RGS7: variants seen among roughly 807,000 people sequenced by gnomAD.
RGS7 encodes the protein regulator of G protein signaling 7, also known as regulator of G-protein signaling 7.
Under a neutral mutation model 81.1 loss-of-function variants are expected in RGS7, and 27 were observed. The observed-to-expected ratio is 0.33, with a 90% CI of 0.25 to 0.46. RGS7 has a LOEUF of 0.46. RGS7 is among the 20% of genes least tolerant of loss of function. The probability of loss-of-function intolerance (pLI) is 1.00; values close to 1 mark genes in which losing one functional copy is unlikely to be tolerated. For synonymous variants in RGS7, 208 were observed against 207.7 expected (o/e 1.00, Z -0.01); for missense variants, 396 against 607.4 (o/e 0.65, Z 3.66).
At chr1:241,140,098 A>G (rs1406090313) in intron 2 of RGS7, among the ~76,000 whole-genome samples, 1 of 152,142 alleles carries the variant, frequency 6.6e-6, no homozygotes, top group Non-Finnish European at 1.5e-5. Flanking sequence ...CTGGAGGCTG[A>G]CTTTGTACCA....
chr1:241,265,598 G>A (rs1356513147), intron 2 of RGS7, among the ~76,000 whole-genome samples: 1 of 152,092 alleles, frequency 6.6e-6, no homozygotes, highest in Non-Finnish European at 1.5e-5. Flanking sequence ...GGTCAGACAA[G>A]CAAACTAAAG....
At chr1:241,220,869 C>G in intron 2 of RGS7, among the ~76,000 whole-genome samples, 1 of 150,614 alleles carries the variant, frequency 6.6e-6, no homozygotes, top group Non-Finnish European at 1.5e-5. Flanking sequence ...CCACTGCACT[C>G]CAGCCTGGGT....
intron 6 of RGS7, among the ~76,000 whole-genome samples, chr1:240,908,891 G>T (rs1166967022): frequency 6.6e-6 from 1 of 152,210 alleles, no homozygotes; most frequent in African/African-American, 2.4e-5. Context: ...GCCCAGGGCT[G>T]CAAGTGTTTC....
intron 2 of RGS7, among the ~76,000 whole-genome samples, chr1:241,306,349 AC>A (rs2148527377): frequency 1.3e-5 from 2 of 151,234 alleles, no homozygotes; most frequent in South Asian, 4.2e-4. Context: ...CCTCACATGT[AC>A]ATATACACAC....
intron 4 of RGS7, among the ~76,000 whole-genome samples, chr1:240,981,115 G>A (rs1308809323): frequency 1.3e-5 from 2 of 151,812 alleles, no homozygotes; most frequent in Non-Finnish European, 2.9e-5. Context: ...TTGTTTGTTT[G>A]TTTGTTTGTT....
intron 2 of RGS7, among the ~76,000 whole-genome samples, chr1:241,109,388 C>G (rs1387758835): frequency 1.3e-5 from 2 of 152,220 alleles, no homozygotes; most frequent in South Asian, 4.1e-4. Flanking sequence ...TGATCATATT[C>G]TCTGTTAAAC....
At chr1:240,862,309 T>C (rs1194281030) in intron 9 of RGS7, among the ~76,000 whole-genome samples, 3 of 152,214 alleles carry the variant, frequency 2.0e-5, no homozygotes, top group African/African-American at 7.2e-5. Context: ...TTCTACACTC[T>C]AGGTAAAATG....
intron 4 of RGS7, among the ~76,000 whole-genome samples, chr1:240,943,180 T>C (rs1677890726): frequency 6.6e-6 from 1 of 152,108 alleles, no homozygotes; most frequent in South Asian, 2.1e-4. Context: ...AGGAATGCAA[T>C]AAGAAATTAA....
intron 2 of RGS7, among the ~76,000 whole-genome samples, chr1:241,218,201 G>A (rs1402913873): frequency 3.3e-5 from 5 of 152,056 alleles, no homozygotes; most frequent in African/African-American, 4.8e-5. Context: ...CCTTCCCTTT[G>A]TCCAGATGAG....
intron 9 of RGS7, among the ~76,000 whole-genome samples, chr1:240,848,086 G>C (rs1659425740): frequency 1.3e-5 from 2 of 152,136 alleles, no homozygotes; most frequent in Admixed American, 1.3e-4. Flanking sequence ...TTTCCATAAA[G>C]ATCGGAAGCC....
chr1:240,792,918 A>G (rs889935067), intron 18 of RGS7, among the ~76,000 whole-genome samples: 1 of 152,166 alleles, frequency 6.6e-6, no homozygotes, highest in Non-Finnish European at 1.5e-5. Context: ...GTTGGATATA[A>G]GAATCTAGTA....
chr1:241,040,479 T>TTCTA (rs200796357), intron 3 of RGS7, among the ~76,000 whole-genome samples: 5 of 151,114 alleles, frequency 3.3e-5, no homozygotes, highest in South Asian at 2.1e-4. Context: ...TTACTTTTCT[T>TTCTA]TTTATTTATT....
chr1:241,258,914 C>T (rs1316737951), intron 2 of RGS7, among the ~76,000 whole-genome samples: 1 of 152,124 alleles, frequency 6.6e-6, no homozygotes, highest in African/African-American at 2.4e-5. Flanking sequence ...AAAGTTACAC[C>T]TTTGCTTTTA....
chr1:241,116,649 G>T (rs1455874720), intron 2 of RGS7, among the ~76,000 whole-genome samples: 4 of 152,020 alleles, frequency 2.6e-5, no homozygotes, highest in African/African-American at 9.7e-5. Flanking sequence ...TATACATTCT[G>T]TAAATTTTTT....
chr1:240,862,068 A>G (rs1406502497), intron 9 of RGS7, among the ~76,000 whole-genome samples: 1 of 152,074 alleles, frequency 6.6e-6, no homozygotes, highest in African/African-American at 2.4e-5. Flanking sequence ...TTCTCCCACT[A>G]TATTCTTCAG....
intron 2 of RGS7, among the ~76,000 whole-genome samples, chr1:241,221,992 T>C (rs1053872127): frequency 1.3e-5 from 2 of 152,284 alleles, no homozygotes; most frequent in Admixed American, 1.3e-4. Context: ...ATTGGTTCTG[T>C]TTTTCTGGAG....
intron 4 of RGS7, among the ~76,000 whole-genome samples, chr1:240,973,345 C>T (rs773778001): frequency 3.3e-5 from 5 of 151,806 alleles, no homozygotes; most frequent in South Asian, 2.1e-4. Flanking sequence ...ATGGTGAAAC[C>T]CTGTCTCTAC....
chr1:241,263,913 G>A (rs1040497630), intron 2 of RGS7, among the ~76,000 whole-genome samples: 3 of 152,322 alleles, frequency 2.0e-5, no homozygotes, highest in African/African-American at 7.2e-5. Flanking sequence ...AGAAGTCACA[G>A]AACTTCATGC....
rs759744294 is a variant in RGS7, at chr1:240,868,573, C to G, written c.609+14G>C. 1 of 1,612,514 alleles carries G rather than the reference C, an allele frequency of 6.2e-7. No homozygotes were observed. The highest frequency in any genetic ancestry group is 1.3e-5 in the African/African-American group (1 of 74,988). On this transcript the variant is annotated intron_variant, in intron 9 of 18. Transcript: ENST00000440928. The surrounding 1 kb of genome is among the most constrained non-coding windows in gnomAD (Gnocchi z 5.1). ...AGAAGATGGATTCAAGACGAGAGTG[C>G]GACGCTTGCTTACCACGGGCCTGTG...
Sources: allele counts gnomAD v4.1 joint callset (sites outside exome capture counted in the v4.1 genomes callset), GRCh38; gene constraint gnomAD v4.1.1; non-coding constraint Gnocchi (gnomAD v3.1); transcripts MANE v1.5; gene names NCBI Gene and HGNC (gene_info 2026-07-23, HGNC 2026-07-21).